The following ZNF780B variants were observed in gnomAD, a reference collection of about 807,000 sequenced individuals.
ZNF780B encodes zinc finger protein 779.
A neutral mutation model predicts 74.1 loss-of-function variants in ZNF780B; 52 were observed. The ratio of observed to expected loss-of-function variants is 0.70; its 90% CI spans 0.56 to 0.88. ZNF780B has a LOEUF of 0.88. Ranked by LOEUF, ZNF780B falls within the 40% of genes least tolerant of loss-of-function variation. ZNF780B has a pLI of 0.00. For synonymous variants in ZNF780B, 315 were observed against 324.3 expected (o/e 0.97, Z 0.31); for missense variants, 953 against 1,007.6 (o/e 0.95, Z 0.73).
Position 40,053,872 on chromosome 19 carries a change from G to A in ZNF780B, c.-46+2317C>T, listed in dbSNP as rs181713429. 3.7e-3 allele frequency among the ~76,000 whole-genome samples: 569 copies of A among 152,372 alleles called. 2 individuals carry two copies. The highest frequency in any genetic ancestry group is 7.8e-3 in the Admixed American group (120 of 15,310). Reference sequence around the variant, plus strand: ...AATGTTCATATAGGCCAGGTGCGGTGGCTCACACTTGTAATCCCAGCACTT... The same window carrying A: ...AATGTTCATATAGGCCAGGTGCGGTAGCTCACACTTGTAATCCCAGCACTT... On this transcript the variant is annotated intron_variant, in intron 1 of 4. Transcript: ENST00000434248.
intron 1 of ZNF780B, among the ~76,000 whole-genome samples, chr19:40,051,160 T>C (rs1342683665): frequency 6.6e-6 from 1 of 152,196 alleles, no homozygotes; most frequent in African/African-American, 2.4e-5. Flanking sequence ...CTAAAGAGTA[T>C]GTCATAATTG....
chr19:40,047,321 A>G (rs918718794), intron 4 of ZNF780B, 54 bp downstream of exon 4: 41 of 1,471,832 alleles, frequency 2.8e-5, no homozygotes, highest in Non-Finnish European at 3.5e-5. Flanking sequence ...CTCTGAGCAC[A>G]TGGGCTGTCC....
chr19:40,042,597 A>G (rs919328089), intron 4 of ZNF780B, among the ~76,000 whole-genome samples: 2 of 152,052 alleles, frequency 1.3e-5, no homozygotes, highest in African/African-American at 2.4e-5. Context: ...GGCTTTGTTC[A>G]TTTCTTTTTA....
intron 1 of ZNF780B, among the ~76,000 whole-genome samples, chr19:40,053,628 A>G (rs1973340532): frequency 6.6e-6 from 1 of 152,220 alleles, no homozygotes; most frequent in Non-Finnish European, 1.5e-5. Flanking sequence ...TTGCAGCACT[A>G]TTCACAATAG....
chr19:40,036,066 T>C lies in ZNF780B; in HGVS notation c.793A>G (p.Thr265Ala), dbSNP rs750284909. ...GKSFNRSSNLTQHQSIHAGVK... is the reference protein window; with the variant it reads ...GKSFNRSSNLAQHQSIHAGVK... ...CCAGCATGAATACTTTGATGCTGAG[T>C]AAGGTTTGAGCTACGATTAAAAGAC... Residue 265 changes from threonine to alanine, a missense_variant, in exon 5 of 5, where the codon ACT becomes GCT. Thr to Ala is a moderately conservative substitution (Grantham distance 58). Transcript: ENST00000434248. The C allele has an allele frequency of 6.8e-6, 11 of 1,613,502 alleles. No individual in the cohort carries two copies. In the African/African-American group the frequency reaches 9.3e-5, roughly 14 times the overall value.
chr19:40,038,465 T>G (rs1972463507), intron 4 of ZNF780B, among the ~76,000 whole-genome samples: 2 of 151,434 alleles, frequency 1.3e-5, no homozygotes, highest in African/African-American at 4.9e-5. Context: ...GTATTTCTAG[T>G]TCTAGATCCC....
At chr19:40,050,240 A>G in intron 2 of ZNF780B, 84 bp downstream of exon 2, 3 of 1,218,024 alleles carry the variant, frequency 2.5e-6, no homozygotes, top group Non-Finnish European at 3.4e-6. Context: ...ATCCTTACGT[A>G]AGAAGGTTCA....
Position 40,035,710 on chromosome 19 carries a change from G to A in ZNF780B, c.1149C>T (p.His383=). 1 of 1,614,020 alleles carries A rather than the reference G, an allele frequency of 6.2e-7. No homozygotes were observed. Among genetic ancestry groups the A allele is most frequent in the African/African-American group, 1.3e-5 (1 of 74,994 alleles). ...TACATTCAAATGGTTTTTCACCTGTGTGAATATTCTTATGGCGATTAAGCT... is the reference window on the plus strand; with the variant it reads ...TACATTCAAATGGTTTTTCACCTGTATGAATATTCTTATGGCGATTAAGCT... The part of the protein sequence containing the change: ...LNQLNRHKNI[H]TGEKPFECKE... Residue 383 remains histidine (H), a synonymous_variant, in exon 5 of 5, where the codon CAC becomes CAT. Coordinates refer to ENST00000434248, the MANE Select transcript of ZNF780B (RefSeq NM_001005851.3).
At chr19:40,048,214 G>A (rs917987390) in intron 3 of ZNF780B, among the ~76,000 whole-genome samples, 5 of 152,074 alleles carry the variant, frequency 3.3e-5, no homozygotes, top group African/African-American at 9.7e-5. Context: ...GCATGACCAC[G>A]GCTCTCTGCA....
chr19:40,042,875 A>C (rs2144771175), intron 4 of ZNF780B, among the ~76,000 whole-genome samples: 1 of 152,076 alleles, frequency 6.6e-6, no homozygotes, highest in Non-Finnish European at 1.5e-5. Flanking sequence ...GAGTAGTTTG[A>C]TTGTCTGAAG....
chr19:40,034,579 C>T lies in ZNF780B; in HGVS notation c.2280G>A (p.Lys760=). ...EKPFKCKECG[K]AFNRGSNLVQ... ...CAAGGTTTGAGCCACGATTAAAGGC[C>T]TTCCCACACTCCTTACATTTAAATG... Residue 760 remains lysine (K), a synonymous_variant, in exon 5 of 5, where the codon AAG becomes AAA. Coordinates refer to ENST00000434248, the MANE Select transcript of ZNF780B (RefSeq NM_001005851.3). 1 of 1,613,870 alleles carries T rather than the reference C, an allele frequency of 6.2e-7. No individual in the cohort carries two copies.
chr19:40,045,555 G>T (rs748610251), intron 4 of ZNF780B, among the ~76,000 whole-genome samples: 2 of 151,964 alleles, frequency 1.3e-5, no homozygotes, highest in Non-Finnish European at 2.9e-5. Context: ...AAATACCAAA[G>T]GTATGGAATC....
At chr19:40,046,035 G>T (rs1394646261) in intron 4 of ZNF780B, among the ~76,000 whole-genome samples, 2 of 152,012 alleles carry the variant, frequency 1.3e-5, no homozygotes, top group African/African-American at 4.8e-5. Context: ...ATATCTGGAG[G>T]CTAAAAAAAG....
Position 40,035,471 on chromosome 19 carries a change from T to C in ZNF780B, c.1388A>G (p.His463Arg), listed in dbSNP as rs1420336457. 1 of 1,614,194 alleles carries C rather than the reference T, an allele frequency of 6.2e-7. No individual in the cohort carries two copies. Among genetic ancestry groups the C allele is most frequent in the East Asian group, 2.2e-5 (1 of 44,882 alleles). ...AFRYHYQLIQHCQIHTGGKPF... is the reference protein window; with the variant it reads ...AFRYHYQLIQRCQIHTGGKPF... Reference sequence around the variant, plus strand: ...TTTCCCACCAGTATGAATTTGGCAATGTTGAATAAGTTGGTAATGATATCG... The same window carrying C: ...TTTCCCACCAGTATGAATTTGGCAACGTTGAATAAGTTGGTAATGATATCG... The change falls in exon 5 of 5, where the codon CAT becomes CGT. Residue 463 changes from histidine to arginine, a missense_variant. Physicochemically the swap from His to Arg is conservative, Grantham distance 29. Transcript: ENST00000434248.
chr19:40,039,299 G>A (rs931590883), intron 4 of ZNF780B, among the ~76,000 whole-genome samples: 7 of 152,226 alleles, frequency 4.6e-5, no homozygotes, highest in Non-Finnish European at 8.8e-5. Context: ...GTACCATGCT[G>A]TTTTGGTTAC....
intron 4 of ZNF780B, among the ~76,000 whole-genome samples, chr19:40,039,592 C>A (rs1347920645): frequency 6.6e-6 from 1 of 151,794 alleles, no homozygotes; most frequent in Admixed American, 6.6e-5. Flanking sequence ...TTTCCTTGAG[C>A]AGTGGTTTGT....
chr19:40,034,849 T>G lies in ZNF780B; in HGVS notation c.2010A>C (p.Glu670Asp). ...QSIHAGVKPY[E>D]CKECGKGFSR... ...TAAAGCCTTTCCCACACTCCTTACA[T>G]TCATATGGTTTTACACCAGCATGAA... is the stretch of plus-strand genomic sequence containing the variant. Residue 670 changes from glutamate to aspartate, a missense_variant, in exon 5 of 5, where the codon GAA (glutamate) becomes GAC (aspartate). By Grantham distance (45) the Glu-to-Asp change is conservative. Coordinates refer to ENST00000434248, the MANE Select transcript of ZNF780B (RefSeq NM_001005851.3). 6.2e-7 allele frequency: 1 copy of G among 1,614,120 alleles called. No homozygotes were observed. The highest frequency in any genetic ancestry group is 1.1e-5 in the South Asian group (1 of 91,076).
At chr19:40,050,964 C>T (rs1000120460) in intron 1 of ZNF780B, among the ~76,000 whole-genome samples, 8 of 152,124 alleles carry the variant, frequency 5.3e-5, no homozygotes, top group African/African-American at 7.2e-5. Flanking sequence ...TTAATTGTTC[C>T]AGACATATGA....
intron 1 of ZNF780B, among the ~76,000 whole-genome samples, chr19:40,054,233 G>A (rs972967539): frequency 1.3e-5 from 2 of 152,144 alleles, no homozygotes; most frequent in African/African-American, 4.8e-5. Flanking sequence ...GGGTGAGGGA[G>A]GGAAGATGGT....
Sources: allele counts gnomAD v4.1 joint callset (sites outside exome capture counted in the v4.1 genomes callset), GRCh38; gene constraint gnomAD v4.1.1; transcripts MANE v1.5; gene names NCBI Gene and HGNC (gene_info 2026-07-23, HGNC 2026-07-21).